The following USH2A variants were observed in gnomAD, a reference collection of about 807,000 sequenced individuals.
The protein encoded by USH2A is usherin.
A neutral mutation model predicts 538.9 loss-of-function variants in USH2A; 443 were observed. The ratio of observed to expected loss-of-function variants is 0.82; its 90% CI spans 0.76 to 0.89. The LOEUF is 0.89. Among genes scored for constraint, USH2A ranks in the 40% least tolerant of loss-of-function variants. The pLI, the probability that USH2A is intolerant of heterozygous loss-of-function variation, is 0.00. For missense variants in USH2A, 6,633 were observed against 6,324.8 expected, an observed-to-expected ratio of 1.05 and a Z score of -1.65; for synonymous variants, 2,413 against 2,273.5, an observed-to-expected ratio of 1.06 and a Z score of -1.75.
At chr1:215,826,578 G>A (rs1663162790) in intron 47 of USH2A, among the ~76,000 whole-genome samples, 1 of 151,922 alleles carries the variant, frequency 6.6e-6, no homozygotes, top group Admixed American at 6.6e-5. Flanking sequence ...TTTTGATGGT[G>A]ATGGAATGGA....
At chr1:215,904,303 TATAATA>T (rs1384856712) in intron 38 of USH2A, among the ~76,000 whole-genome samples, 2 of 152,106 alleles carry the variant, frequency 1.3e-5, no homozygotes, top group Non-Finnish European at 1.5e-5. Context: ...AAGTAGGCTT[TATAATA>T]ATAATAAGAT....
chr1:216,367,832 T>G (rs1285160145), intron 3 of USH2A, among the ~76,000 whole-genome samples: 1 of 152,212 alleles, frequency 6.6e-6, no homozygotes, highest in East Asian at 1.9e-4. Flanking sequence ...TTGCCATAGC[T>G]CATTCCGATG....
At chr1:216,081,984 G>T (rs2031962943) in intron 26 of USH2A, among the ~76,000 whole-genome samples, 1 of 151,860 alleles carries the variant, frequency 6.6e-6, no homozygotes, top group Admixed American at 6.6e-5. Context: ...AATAGAGGAA[G>T]GTGGAGGGTG....
chr1:215,782,222 A>T (rs755410093), intron 53 of USH2A, 26 bp from the exon 54 acceptor site: 1 of 1,611,580 alleles, frequency 6.2e-7, no homozygotes, highest in South Asian at 1.1e-5. Flanking sequence ...AAATGACTGC[A>T]TTTGAATGTG....
intron 32 of USH2A, among the ~76,000 whole-genome samples, chr1:216,045,527 A>G (rs1166069888): frequency 6.6e-6 from 1 of 152,144 alleles, no homozygotes; most frequent in African/African-American, 2.4e-5. Context: ...TGTGGTACAG[A>G]AGTAATTACT....
chr1:215,701,647 T>C (rs1394100052), intron 61 of USH2A, among the ~76,000 whole-genome samples: 1 of 152,122 alleles, frequency 6.6e-6, no homozygotes, highest in Non-Finnish European at 1.5e-5. Context: ...CAACCCCTGC[T>C]TTTTTTGCTT....
intron 43 of USH2A, among the ~76,000 whole-genome samples, chr1:215,872,643 T>C (rs1480090942): frequency 6.6e-6 from 1 of 152,156 alleles, no homozygotes; most frequent in African/African-American, 2.4e-5. Flanking sequence ...AGTTCATTTT[T>C]CATGAGTGAT....
At chr1:215,719,758 G>A (rs911536088) in intron 61 of USH2A, among the ~76,000 whole-genome samples, 20 of 152,178 alleles carry the variant, frequency 1.3e-4, no homozygotes, top group Non-Finnish European at 2.2e-4. Flanking sequence ...GTTCAGACTT[G>A]ATGAGTAAGA....
intron 56 of USH2A, among the ~76,000 whole-genome samples, chr1:215,765,296 C>G (rs1024923212): frequency 6.6e-6 from 1 of 152,030 alleles, no homozygotes; most frequent in Non-Finnish European, 1.5e-5. Context: ...GAACACTAAG[C>G]TTTTTGACAT....
intron 21 of USH2A, among the ~76,000 whole-genome samples, chr1:216,119,308 C>T (rs2033076715): frequency 6.6e-6 from 1 of 152,126 alleles, no homozygotes; most frequent in African/African-American, 2.4e-5. Flanking sequence ...ATTTTACCCA[C>T]TGATGCATTT....
At chr1:216,179,429 A>C (rs1038956451) in intron 20 of USH2A, among the ~76,000 whole-genome samples, 4 of 152,124 alleles carry the variant, frequency 2.6e-5, no homozygotes, top group Admixed American at 2.6e-4. Context: ...GAATTATTCC[A>C]TCTAGCAATG....
At position 215,900,104 on chromosome 1, in the gene USH2A, G is replaced by T; in HGVS notation, c.7565C>A (p.Ser2522Tyr). 1 of 1,613,722 alleles carries T rather than the reference G, an allele frequency of 6.2e-7. No individual in the cohort carries two copies. Among genetic ancestry groups the T allele is most frequent in the South Asian group, 1.1e-5 (1 of 91,082 alleles). ...CTCTGCGGTCATGAATGGAATCCAAGAACTATGTGCACTGCCAAATCCATT... is the reference window on the plus strand; with the variant it reads ...CTCTGCGGTCATGAATGGAATCCAATAACTATGTGCACTGCCAAATCCATT... ...ASNGFGSAHS[S>Y]WIPFMTAEDK... is the part of the protein sequence containing the mutation. The change falls in exon 40 of 72, where the codon TCT (serine) becomes TAT (tyrosine). Residue 2522 changes from serine to tyrosine, a missense_variant. Physicochemically the swap from Ser to Tyr is moderately radical, Grantham distance 144 (BLOSUM62 -2). Transcript: ENST00000307340.
chr1:215,972,577 T>C lies in USH2A; in HGVS notation c.6806-1801A>G, dbSNP rs116612550. Among the ~76,000 whole-genome samples the C allele has an allele frequency of 1.9e-3, 288 of 152,320 alleles. 2 individuals are homozygous for C. Among genetic ancestry groups the C allele is most frequent in the African/African-American group, 6.6e-3 (274 of 41,586 alleles). On this transcript the variant is annotated intron_variant, in intron 35 of 71. Coordinates refer to ENST00000307340, the MANE Select transcript of USH2A (RefSeq NM_206933.4). ...TGAATATCTGAAATGTTTTCTCTTA[T>C]ACCAATCAGATCTAGGACAATACAT...
intron 7 of USH2A, 81 bp downstream of exon 7, chr1:216,324,082 TCTCCA>T: frequency 7.0e-7 from 1 of 1,432,342 alleles, no homozygotes; most frequent in Non-Finnish European, 9.5e-7. Context: ...TGAAGGGAAG[TCTCCA>T]CCAGCCTAGA....
At chr1:215,870,072 G>C (rs955839024) in intron 43 of USH2A, among the ~76,000 whole-genome samples, 1 of 150,748 alleles carries the variant, frequency 6.6e-6, no homozygotes, top group African/African-American at 2.5e-5. Flanking sequence ...GAGACCCTGA[G>C]AAACAAGTGG....
At chr1:215,645,875 A>G (rs1451199937) in intron 67 of USH2A, among the ~76,000 whole-genome samples, 1 of 152,188 alleles carries the variant, frequency 6.6e-6, no homozygotes, top group African/African-American at 2.4e-5. Context: ...CCAGACATTC[A>G]AAGATCTGTT....
intron 53 of USH2A, 115 bp downstream of exon 53, chr1:215,782,623 A>T (rs1661674860): frequency 1.8e-6 from 2 of 1,111,966 alleles, no homozygotes; most frequent in East Asian, 5.1e-5. Flanking sequence ...CTTTATCGGA[A>T]CATACTTTTC....
intron 21 of USH2A, among the ~76,000 whole-genome samples, chr1:216,134,074 T>C (rs910731968): frequency 1.3e-5 from 2 of 152,110 alleles, no homozygotes; most frequent in African/African-American, 4.8e-5. Flanking sequence ...TTTTGACTCT[T>C]AGACACACTG....
chr1:215,736,773 T>C (rs948836004), intron 60 of USH2A, among the ~76,000 whole-genome samples: 2 of 151,932 alleles, frequency 1.3e-5, no homozygotes, highest in Non-Finnish European at 2.9e-5. Flanking sequence ...CATCAAAACT[T>C]GAATTAAAAC....
Sources: allele counts gnomAD v4.1 joint callset (sites outside exome capture counted in the v4.1 genomes callset), GRCh38; gene constraint gnomAD v4.1.1; transcripts MANE v1.5; gene names NCBI Gene and HGNC (gene_info 2026-07-23, HGNC 2026-07-21).